Variants in BTAF1 observed in about 807,000 individuals in gnomAD.
The protein encoded by BTAF1 is TATA-binding protein-associated factor 172.
BTAF1 carries 38 observed loss-of-function variants against 227.1 expected under a neutral mutation model. The observed-to-expected ratio is 0.17, with a 90% CI of 0.13 to 0.22. The LOEUF (loss-of-function observed/expected upper bound fraction) is 0.22. BTAF1 is among the 10% of genes least tolerant of loss of function. The pLI is 1.00. For missense variants in BTAF1, 1,598 were observed against 2,204.0 expected, an observed-to-expected ratio of 0.73 and a Z score of 5.51; for synonymous variants, 742 against 751.9, an observed-to-expected ratio of 0.99 and a Z score of 0.21.
At position 91,966,693 on chromosome 10, in the gene BTAF1, C is replaced by T. The variant is rs370158878; in HGVS notation, c.1586C>T (p.Thr529Ile). The T allele has an allele frequency of 1.4e-5, 22 of 1,613,804 alleles. No individual in the cohort carries two copies. Among genetic ancestry groups the T allele is most frequent in the Non-Finnish European group, 1.9e-5 (22 of 1,179,880 alleles). Reference sequence around the variant, plus strand: ...CGTGTCTGGCCTTTTTTGCATCACACTATATCATCAGTTCGAAGAGCAGCA... The same window carrying T: ...CGTGTCTGGCCTTTTTTGCATCACATTATATCATCAGTTCGAAGAGCAGCA... ...VPRVWPFLHH[T>I]ISSVRRAALE... The change falls in exon 14 of 38, where the codon ACT (threonine) becomes ATT (isoleucine). Residue 529 changes from threonine to isoleucine, a missense_variant. Physicochemically the swap from Thr to Ile is moderately conservative, Grantham distance 89 (BLOSUM62 -1). Coordinates refer to ENST00000265990, the MANE Select transcript of BTAF1 (RefSeq NM_003972.3).
chr10:92,030,293 C>T lies in BTAF1; in HGVS notation c.*1360C>T, dbSNP rs1182960772. On this transcript the variant is annotated 3_prime_UTR_variant, in exon 38 of 38. Coordinates refer to ENST00000265990, the MANE Select transcript of BTAF1 (RefSeq NM_003972.3). ...CTGTAACATTAAACCTAGCATTCCA[C>T]AAGAGAATAAATATAAGATTGAAAC... is the stretch of plus-strand genomic sequence containing the variant. 6.6e-6 allele frequency: 1 copy of T among 152,428 alleles called. No individual in the cohort carries two copies. The highest frequency in any genetic ancestry group is 6.6e-5 in the Admixed American group (1 of 15,240). The allele number at this position is 152,428 out of a possible 1,614,324, so 9.4% of individuals were successfully genotyped here. A position where few individuals can be genotyped will look rare whatever the true frequency, so the allele number is the denominator to read the frequency against.
At chr10:91,935,601 C>T (rs1183421298) in intron 1 of BTAF1, 56 bp from the exon 2 acceptor site, 2 of 1,588,884 alleles carry the variant, frequency 1.3e-6, no homozygotes, top group East Asian at 2.2e-5. Context: ...TTGACTTAAA[C>T]TTGTACATAC....
At chr10:91,976,735 A>G (rs1349529921) in intron 14 of BTAF1, among the ~76,000 whole-genome samples, 1 of 152,182 alleles carries the variant, frequency 6.6e-6, no homozygotes, top group Non-Finnish European at 1.5e-5. Flanking sequence ...ATTCCTTACG[A>G]TACGAATTTG....
intron 18 of BTAF1, among the ~76,000 whole-genome samples, chr10:91,983,506 C>G (rs1848201658): frequency 6.6e-6 from 1 of 152,196 alleles, no homozygotes; most frequent in African/African-American, 2.4e-5. Flanking sequence ...AGAAGCAAAG[C>G]TCATCTGTTT....
intron 4 of BTAF1, 22 bp from the exon 5 acceptor site, chr10:91,951,381 C>T (rs373792742): frequency 7.5e-6 from 12 of 1,597,568 alleles, no homozygotes; most frequent in African/African-American, 6.8e-5. Flanking sequence ...TTGGAGAAAA[C>T]GTATTTCTTT....
intron 14 of BTAF1, among the ~76,000 whole-genome samples, chr10:91,977,397 C>CT (rs1286766428): frequency 6.6e-6 from 1 of 152,092 alleles, no homozygotes; most frequent in Non-Finnish European, 1.5e-5. Flanking sequence ...TAAGATTTCT[C>CT]TGTGTCTTTT....
Position 92,018,886 on chromosome 10 carries a change from C to T in BTAF1, c.4814C>T (p.Ser1605Phe). The T allele has an allele frequency of 6.2e-7, 1 of 1,610,492 alleles. No individual in the cohort carries two copies. Residue 1605 changes from serine (S) to phenylalanine (F), a missense_variant, in exon 34 of 38, where the codon TCT becomes TTT. Transcript: ENST00000265990. ...TTAEKLAVQN[S>F]SLHDIQHAPK... Reference sequence around the variant, plus strand: ...GCCGAAAAACTGGCAGTTCAGAATTCTTCTCTACATGATATTCAACATGCC... The same window carrying T: ...GCCGAAAAACTGGCAGTTCAGAATTTTTCTCTACATGATATTCAACATGCC...
intron 32 of BTAF1, among the ~76,000 whole-genome samples, chr10:92,014,598 A>G (rs1279776381): frequency 1.3e-5 from 2 of 152,212 alleles, no homozygotes; most frequent in Non-Finnish European, 2.9e-5. Flanking sequence ...AAATAAGCCA[A>G]TGTTTATAAA....
intron 13 of BTAF1, among the ~76,000 whole-genome samples, chr10:91,965,205 A>G (rs995998650): frequency 6.6e-6 from 1 of 152,196 alleles, no homozygotes; most frequent in Non-Finnish European, 1.5e-5. Context: ...TGATGTTTCT[A>G]TTACTAATGA....
At chr10:92,020,234 T>C (rs1851028497) in intron 34 of BTAF1, among the ~76,000 whole-genome samples, 1 of 152,210 alleles carries the variant, frequency 6.6e-6, no homozygotes, top group Admixed American at 6.5e-5. Flanking sequence ...TTAAACAGTT[T>C]ATAATTCATG....
intron 12 of BTAF1, 95 bp downstream of exon 12, chr10:91,962,773 C>A: frequency 8.4e-7 from 1 of 1,193,632 alleles, no homozygotes. Context: ...TTTTCTCCTT[C>A]ATCTTCAATT....
At chr10:91,974,418 T>C (rs1847537291) in intron 14 of BTAF1, among the ~76,000 whole-genome samples, 1 of 152,202 alleles carries the variant, frequency 6.6e-6, no homozygotes, top group Non-Finnish European at 1.5e-5. Flanking sequence ...TCTGAAACAT[T>C]ATTTCCTTTA....
chr10:91,932,986 C>T (rs1844375236), intron 1 of BTAF1, among the ~76,000 whole-genome samples: 1 of 152,176 alleles, frequency 6.6e-6, no homozygotes, highest in Non-Finnish European at 1.5e-5. Context: ...GCCATTATAT[C>T]TGCACAGCTG....
intron 3 of BTAF1, 116 bp from the exon 4 acceptor site, chr10:91,942,294 AAGTTTGTGTGTG>A: frequency 1.6e-6 from 1 of 622,180 alleles, no homozygotes; most frequent in Non-Finnish European, 2.4e-6. Flanking sequence ...TTAAAAAAAA[AAGTTTGTGTGTG>A]TGTGTGTGTG....
At chr10:91,944,803 G>T (rs1280138365) in intron 4 of BTAF1, among the ~76,000 whole-genome samples, 3 of 151,932 alleles carry the variant, frequency 2.0e-5, no homozygotes, top group African/African-American at 4.8e-5. Context: ...TTTATATTTG[G>T]TCACATACCA....
intron 5 of BTAF1, among the ~76,000 whole-genome samples, chr10:91,952,633 C>G (rs1845847590): frequency 6.6e-6 from 1 of 151,928 alleles, no homozygotes; most frequent in Non-Finnish European, 1.5e-5. Flanking sequence ...CACTTTAAAC[C>G]ATTAGAATTT....
At chr10:91,984,147 T>G in intron 18 of BTAF1, 54 bp from the exon 19 acceptor site, 3 of 1,478,020 alleles carry the variant, frequency 2.0e-6, no homozygotes. Context: ...GATTTCTGTA[T>G]CTATAAAGTT....
At chr10:91,980,727 G>C (rs1267756258) in intron 15 of BTAF1, among the ~76,000 whole-genome samples, 169 bp downstream of exon 15, 1 of 152,148 alleles carries the variant, frequency 6.6e-6, no homozygotes, top group Non-Finnish European at 1.5e-5. Flanking sequence ...GCATGTAATA[G>C]TTAAGTTTTG....
At chr10:91,927,408 T>G (rs1843931103) in intron 1 of BTAF1, among the ~76,000 whole-genome samples, 1 of 152,154 alleles carries the variant, frequency 6.6e-6, no homozygotes, top group African/African-American at 2.4e-5. Flanking sequence ...GATCTAAGCT[T>G]ATATATTACC....
Sources: allele counts gnomAD v4.1 joint callset (sites outside exome capture counted in the v4.1 genomes callset), GRCh38; gene constraint gnomAD v4.1.1; transcripts MANE v1.5; gene names NCBI Gene and HGNC (gene_info 2026-07-23, HGNC 2026-07-21).